The following ERMP1 variants were observed in gnomAD, a reference collection of about 807,000 sequenced individuals.
ERMP1 encodes the protein Felix-ina.
In ERMP1, 86 loss-of-function variants were observed where a neutral mutation model predicts 92.0. That is an observed-to-expected ratio of 0.93 (90% confidence interval 0.79 to 1.12). The LOEUF is 1.12. Ranked by LOEUF, ERMP1 falls within the 50% of genes most tolerant of loss-of-function variation. The probability of loss-of-function intolerance (pLI) is 0.00; values close to 1 mark genes in which losing one functional copy is unlikely to be tolerated. For synonymous variants in ERMP1, 530 were observed against 412.8 expected, an observed-to-expected ratio of 1.28 and a Z score of -3.44; for missense variants, 1,342 against 1,116.3, an observed-to-expected ratio of 1.20 and a Z score of -2.88.
In ERMP1 at chr9:5,830,730, G is replaced by T. The variant is rs1003724145; in HGVS notation, c.637C>A (p.Pro213Thr). 1.2e-6 allele frequency: 2 copies of T among 1,609,426 alleles called. No individual in the cohort carries two copies. The highest frequency in any genetic ancestry group is 1.3e-5 in the African/African-American group (1 of 74,650). The change falls in exon 2 of 15, where the codon CCA (proline) becomes ACA (threonine). Residue 213 changes from proline to threonine, a missense_variant. Physicochemically the swap from Pro to Thr is conservative, Grantham distance 38 (BLOSUM62 -1). Transcript: ENST00000339450. ...NCHFDSVANS[P>T]GASDDAVSCS... ...TGACTAAAAAACAGGTACATACCTG[G>T]TGAGTTTGCTACTGAGTCAAAATGA...
rs142432726 is a variant in ERMP1, at chr9:5,864,132, A to C, written n.3055+3670T>G. ...AGTCATGAAGTAGCATGTCAATTTG[A>C]CTGTTGGAAATTGGTAGCTGAATGT... On this transcript the variant is annotated intron_variant and non_coding_transcript_variant, in intron 5 of 6. Coordinates refer to the ERMP1 transcript ENST00000690753. Among the ~76,000 whole-genome samples the C allele has an allele frequency of 3.3e-4, 51 of 152,346 alleles. No individual in the cohort carries two copies. The East Asian group carries it at 9.4e-3, about 28-fold the overall frequency.
chr9:5,797,548 T>TGAGGCAGGAGAATCACTTG (rs1473297533), intron 13 of ERMP1, among the ~76,000 whole-genome samples: 2 of 151,374 alleles, frequency 1.3e-5, no homozygotes, highest in Non-Finnish European at 2.9e-5. Context: ...CTCAGGAGGC[T>TGAGGCAGGAGAATCACTTG]GAGGCAGGAG....
intron 3 of ERMP1, among the ~76,000 whole-genome samples, 181 bp from the exon 4 acceptor site, chr9:5,824,182 C>A (rs1476546398): frequency 6.6e-6 from 1 of 152,198 alleles, no homozygotes; most frequent in East Asian, 1.9e-4. Flanking sequence ...AATGGCCATG[C>A]ACATCAGGTT....
In ERMP1 at chr9:5,811,174, A is replaced by T; in HGVS notation, c.1264T>A (p.Tyr422Asn). Residue 422 changes from tyrosine to asparagine, a missense_variant, in exon 7 of 15, where the codon TAC (tyrosine) becomes AAC (asparagine). Physicochemically the swap from Tyr to Asn is moderately radical, Grantham distance 143 (BLOSUM62 -2). Coordinates refer to ENST00000339450, the MANE Select transcript of ERMP1 (RefSeq NM_024896.3). ...AAAACAACACCCATTACCACCATGT[A>T]GTTTATGATTGAGCCAATACGAGAG... ...YPSRIGSIIN[Y>N]MVVMGVVLYL... 1 of 1,614,116 alleles carries T rather than the reference A, an allele frequency of 6.2e-7. No individual in the cohort carries two copies. Among genetic ancestry groups the T allele is most frequent in the Non-Finnish European group, 8.5e-7 (1 of 1,179,992 alleles).
upstream of ERMP1, among the ~76,000 whole-genome samples, chr9:5,837,991 G>A (rs1197207486): frequency 2.6e-5 from 4 of 152,026 alleles, no homozygotes; most frequent in East Asian, 7.7e-4. Context: ...GGAGGCTGAG[G>A]TGGGAGGCAA....
chr9:5,808,102 T>C (rs1355696705), intron 8 of ERMP1, among the ~76,000 whole-genome samples: 2 of 152,124 alleles, frequency 1.3e-5, no homozygotes, highest in African/African-American at 4.8e-5. Flanking sequence ...GGATTACAGG[T>C]GTAAGCCACC....
intron 1 of ERMP1, chr9:5,832,341 A>G (rs1037808924): frequency 4.1e-6 from 1 of 246,868 alleles, no homozygotes; most frequent in Non-Finnish European, 7.7e-6. Context: ...TCCATCTGGA[A>G]AGCAGAAGGG....
chr9:5,834,953 G>C (rs1311155732), upstream of ERMP1, among the ~76,000 whole-genome samples: 1 of 55,498 alleles, frequency 1.8e-5, no homozygotes, highest in Non-Finnish European at 3.3e-5. Flanking sequence ...TAGATAGATA[G>C]ACAGATGATA....
At position 5,830,716 on chromosome 9, in the gene ERMP1, C is replaced by T; in HGVS notation, c.640+11G>A. The T allele has an allele frequency of 6.3e-7, 1 of 1,586,382 alleles. No individual in the cohort carries two copies. Among genetic ancestry groups the T allele is most frequent in the Non-Finnish European group, 8.6e-7 (1 of 1,164,744 alleles). On this transcript the variant is annotated intron_variant, in intron 2 of 14. Transcript: ENST00000339450. Reference sequence around the variant, plus strand: ...TGACAAGTTCCAAATGACTAAAAAACAGGTACATACCTGGTGAGTTTGCTA... The same window carrying T: ...TGACAAGTTCCAAATGACTAAAAAATAGGTACATACCTGGTGAGTTTGCTA...
At chr9:5,866,609 T>C (rs937119011) in intron 5 of ERMP1, among the ~76,000 whole-genome samples, 14 of 152,208 alleles carry the variant, frequency 9.2e-5, no homozygotes, top group African/African-American at 3.4e-4. Context: ...TGTAATTTCA[T>C]AGAACTGGAG....
intron 6 of ERMP1, among the ~76,000 whole-genome samples, chr9:5,840,337 G>A (rs1830146732): frequency 6.6e-6 from 1 of 152,142 alleles, no homozygotes; most frequent in Non-Finnish European, 1.5e-5. Context: ...TCCAACTCTA[G>A]AGGTAGGATC....
In ERMP1 at chr9:5,832,849, G is replaced by A. The variant is rs528252782; in HGVS notation, c.179C>T (p.Ala60Val). Reference sequence around the variant, plus strand: ...CAGCCCGGTCCCCGCGCCCCTGCTCGCGCCGCCGCTACCCCCGGGGCTCCT... The same window carrying A: ...CAGCCCGGTCCCCGCGCCCCTGCTCACGCCGCCGCTACCCCCGGGGCTCCT... Reference protein sequence around the residue: ...RKRSPGGSGGASRGAGTGLSE... With the variant: ...RKRSPGGSGGVSRGAGTGLSE... Residue 60 changes from alanine (A) to valine (V), a missense_variant, in exon 1 of 15, where the codon GCG becomes GTG. Ala to Val is a moderately conservative substitution (Grantham distance 64). Coordinates refer to ENST00000339450, the MANE Select transcript of ERMP1 (RefSeq NM_024896.3). 6.8e-3 allele frequency: 10,175 copies of A among 1,504,902 alleles called. 45 individuals are homozygous for A. The highest frequency in any genetic ancestry group is 8.9e-3 in the Admixed American group (422 of 47,650). 93.2% of individuals were successfully genotyped at this position (1,504,902 alleles called of 1,614,324 possible).
intron 5 of ERMP1, among the ~76,000 whole-genome samples, chr9:5,862,963 G>T (rs1830548091): frequency 6.6e-6 from 1 of 152,250 alleles, no homozygotes; most frequent in Admixed American, 6.5e-5. Flanking sequence ...TTATGTGCAA[G>T]AGGAAGAGAC....
At chr9:5,834,051 C>T (rs954188064), upstream of ERMP1, among the ~76,000 whole-genome samples, 1 of 152,194 alleles carries the variant, frequency 6.6e-6, no homozygotes, top group African/African-American at 2.4e-5. Context: ...TGACTTAGCA[C>T]ATATGTCAGA....
intron 5 of ERMP1, among the ~76,000 whole-genome samples, chr9:5,864,537 G>C (rs1830595691): frequency 6.6e-6 from 1 of 152,172 alleles, no homozygotes; most frequent in Non-Finnish European, 1.5e-5. Flanking sequence ...GGGGCGAGCG[G>C]GTATTTGACC....
Position 5,865,511 on chromosome 9 carries a change from A to AAATAAT in ERMP1, n.3055+2285_3055+2290dup, listed in dbSNP as rs58367366. Among the ~76,000 whole-genome samples, 261 of 142,266 alleles carry AAATAAT rather than the reference A, an allele frequency of 1.8e-3. 1 individual carries two copies. Among genetic ancestry groups the AAATAAT allele is most frequent in the African/African-American group, 6.6e-3 (253 of 38,284 alleles). 93.3% of individuals were successfully genotyped at this position (142,266 alleles called of 152,430 possible). ...CGACAGAGCAAGACTCCATCTCAAA[A>AAATAAT]AATAATAATAATAATAATAATAATA... On this transcript the variant is annotated intron_variant and non_coding_transcript_variant, in intron 5 of 6. Coordinates refer to the ERMP1 transcript ENST00000690753.
intron 4 of ERMP1, among the ~76,000 whole-genome samples, chr9:5,817,437 G>A (rs536518493): frequency 1.1e-4 from 16 of 152,280 alleles, no homozygotes; most frequent in Admixed American, 7.8e-4. Flanking sequence ...TGATCCGCCC[G>A]CCTTGGCCTC....
In ERMP1 at chr9:5,805,219, T is replaced by C; in HGVS notation, c.1724-2A>G. The C allele has an allele frequency of 6.3e-7, 1 of 1,599,694 alleles. No homozygotes were observed. Among genetic ancestry groups the C allele is most frequent in the Non-Finnish European group, 8.5e-7 (1 of 1,173,420 alleles). ...AAGCAATAAATTTTCCTTGGGCACC[T>C]AGGGAAAAAGAGAAAAAAAGCACAC... On this transcript the variant is annotated splice_acceptor_variant, in intron 9 of 14. Transcript: ENST00000339450. LOFTEE classifies it high-confidence loss of function.
Position 5,830,713 on chromosome 9 carries a change from A to C in ERMP1, c.640+14T>G. The C allele has an allele frequency of 1.3e-6, 2 of 1,584,764 alleles. No individual in the cohort carries two copies. Among genetic ancestry groups the C allele is most frequent in the Non-Finnish European group, 1.7e-6 (2 of 1,163,566 alleles). On this transcript the variant is annotated intron_variant, in intron 2 of 14. Transcript: ENST00000339450. Reference sequence around the variant, plus strand: ...CTGTGACAAGTTCCAAATGACTAAAAAACAGGTACATACCTGGTGAGTTTG... The same window carrying C: ...CTGTGACAAGTTCCAAATGACTAAACAACAGGTACATACCTGGTGAGTTTG...
Sources: allele counts gnomAD v4.1 joint callset (sites outside exome capture counted in the v4.1 genomes callset), GRCh38; gene constraint gnomAD v4.1.1; transcripts MANE v1.5; gene names NCBI Gene and HGNC (gene_info 2026-07-23, HGNC 2026-07-21).